MRGPRX3: variants seen among roughly 807,000 people sequenced by gnomAD.
MRGPRX3 encodes MAS related GPR family member X3, also known as mas-related G protein-coupled receptor member X3.
Under a neutral mutation model 16.5 loss-of-function variants are expected in MRGPRX3, and 14 were observed. That is an observed-to-expected ratio of 0.85 (90% CI 0.56 to 1.33). MRGPRX3 has a LOEUF of 1.33. Ranked by LOEUF, MRGPRX3 falls within the 40% of genes most tolerant of loss-of-function variation. The probability of loss-of-function intolerance (pLI) is 0.00; values close to 1 mark genes in which losing one functional copy is unlikely to be tolerated. For missense variants in MRGPRX3, 449 were observed against 413.0 expected (o/e 1.09, Z -0.76); for synonymous variants, 199 against 180.1 (o/e 1.10, Z -0.84).
chr11:18,127,547 T>C (rs1474267725), intron 1 of MRGPRX3, among the ~76,000 whole-genome samples: 2 of 152,260 alleles, frequency 1.3e-5, no homozygotes, highest in Non-Finnish European at 2.9e-5. Context: ...ATACCCTTTC[T>C]TCCAGTTGAT....
chr11:18,138,262 C>T lies in MRGPRX3; in HGVS notation c.*91C>T. 6.6e-7 allele frequency: 1 copy of T among 1,509,900 alleles called. No homozygotes were observed. The highest frequency in any genetic ancestry group is 8.9e-7 in the Non-Finnish European group (1 of 1,129,878). The allele number at this position is 1,509,900 out of a possible 1,614,324, so 93.5% of individuals were successfully genotyped here. A position where few individuals can be genotyped will look rare whatever the true frequency, so the allele number is the denominator to read the frequency against. On this transcript the variant is annotated 3_prime_UTR_variant, in exon 2 of 2. Transcript: ENST00000621697. ...ATATGCATTTTTCTTAGCCTTCTGC[C>T]TCAGAAATGTCTCAGTGGTCCCTCA...
At chr11:18,127,098 C>T (rs1349556460) in intron 1 of MRGPRX3, among the ~76,000 whole-genome samples, 2 of 152,164 alleles carry the variant, frequency 1.3e-5, no homozygotes, top group African/African-American at 4.8e-5. Flanking sequence ...GAATATTGGC[C>T]CCCACTCTCT....
chr11:18,131,187 A>G (rs535908639), upstream of MRGPRX3, among the ~76,000 whole-genome samples: 1 of 152,332 alleles, frequency 6.6e-6, no homozygotes, highest in South Asian at 2.1e-4. Flanking sequence ...AATAGATAGG[A>G]CTTAATTAAA....
chr11:18,138,314 C>T lies in MRGPRX3; in HGVS notation c.*143C>T, dbSNP rs1849034785. ...GGTCTTCGAATAGATGTTTATCTAA[C>T]CTGACAGTTGCAGTTTTCACCCATG... On this transcript the variant is annotated 3_prime_UTR_variant, in exon 2 of 2. Coordinates refer to ENST00000621697, the MANE Select transcript of MRGPRX3 (RefSeq NM_001370464.1). The T allele has an allele frequency of 1.5e-6, 2 of 1,335,766 alleles. No individual in the cohort carries two copies. The highest frequency in any genetic ancestry group is 3.2e-5 in the South Asian group (2 of 62,362). The allele number at this position is 1,335,766 out of a possible 1,614,324, so 82.7% of individuals were successfully genotyped here. A position where few individuals can be genotyped will look rare whatever the true frequency, so the allele number is the denominator to read the frequency against.
intron 1 of MRGPRX3, among the ~76,000 whole-genome samples, chr11:18,122,371 T>C (rs1848848989): frequency 1.3e-5 from 2 of 152,208 alleles, no homozygotes; most frequent in African/African-American, 4.8e-5. Context: ...CAGGGTGGGA[T>C]GTTCCCTGCC....
chr11:18,136,292 C>T (rs531407484), intron 1 of MRGPRX3, among the ~76,000 whole-genome samples: 2 of 152,316 alleles, frequency 1.3e-5, no homozygotes, highest in East Asian at 1.9e-4. Flanking sequence ...TGTTGCTGAG[C>T]AATTCAGCTC....
At chr11:18,124,291 T>C (rs1472024794) in intron 1 of MRGPRX3, among the ~76,000 whole-genome samples, 4 of 152,132 alleles carry the variant, frequency 2.6e-5, no homozygotes, top group Non-Finnish European at 4.4e-5. Context: ...AAGCTTCCAG[T>C]TTTTGCCCAT....
chr11:18,137,091 A>T, intron 1 of MRGPRX3, 87 bp from the exon 2 acceptor site: 2 of 1,354,574 alleles, frequency 1.5e-6, no homozygotes, highest in East Asian at 2.3e-5. Flanking sequence ...CTCCTCTTTA[A>T]ATGAGGACAG....
chr11:18,126,663 C>T (rs1028263051), intron 1 of MRGPRX3, among the ~76,000 whole-genome samples: 2 of 152,008 alleles, frequency 1.3e-5, no homozygotes, highest in Non-Finnish European at 2.9e-5. Flanking sequence ...CACAACCGTT[C>T]CCAGTGTGTG....
exon 1 of MRGPRX3, chr11:18,121,156 G>A (rs1338580409): frequency 2.0e-4 from 30 of 149,196 alleles, no homozygotes; most frequent in Non-Finnish European, 2.9e-4. Context: ...TCGCGACCCC[G>A]TCTGGGAGGT....
chr11:18,135,333 G>C (rs1848998838), intron 1 of MRGPRX3, among the ~76,000 whole-genome samples: 2 of 152,162 alleles, frequency 1.3e-5, no homozygotes, highest in Non-Finnish European at 2.9e-5. Flanking sequence ...CCTATAGATG[G>C]ACAAACAGTT....
At chr11:18,121,964 C>T (rs1196922013) in intron 1 of MRGPRX3, among the ~76,000 whole-genome samples, 2 of 150,302 alleles carry the variant, frequency 1.3e-5, no homozygotes, top group Non-Finnish European at 3.0e-5. Flanking sequence ...CTGCCAAATC[C>T]CTCTCTGTGA....
chr11:18,126,128 G>A (rs897968725), intron 1 of MRGPRX3, among the ~76,000 whole-genome samples: 1 of 152,010 alleles, frequency 6.6e-6, no homozygotes, highest in Non-Finnish European at 1.5e-5. Flanking sequence ...CACACTGATG[G>A]GTCTTGACTC....
chr11:18,122,739 C>T (rs1481474999), intron 1 of MRGPRX3, among the ~76,000 whole-genome samples: 2 of 152,174 alleles, frequency 1.3e-5, no homozygotes, highest in Non-Finnish European at 2.9e-5. Flanking sequence ...ATTTCTAGTC[C>T]TAGATCCTTG....
At chr11:18,125,991 T>C (rs894642159) in intron 1 of MRGPRX3, among the ~76,000 whole-genome samples, 2 of 152,228 alleles carry the variant, frequency 1.3e-5, no homozygotes, top group Non-Finnish European at 2.9e-5. Flanking sequence ...GTCTGTTTTA[T>C]CAGAGACTAG....
chr11:18,137,695 T>A lies in MRGPRX3; in HGVS notation c.493T>A (p.Phe165Ile), dbSNP rs758327883. ...GGAGTGGATGTTCTGTGACTTCCTG[T>A]TTAGTGGTGCTAATTCTGTTTGGTG... ...ILEWMFCDFL[F>I]SGANSVWCET... The change falls in exon 2 of 2, where the codon TTT (phenylalanine) becomes ATT (isoleucine). Residue 165 changes from phenylalanine to isoleucine, a missense_variant. By Grantham distance (21) the Phe-to-Ile change is conservative. Coordinates refer to ENST00000621697, the MANE Select transcript of MRGPRX3 (RefSeq NM_001370464.1). The A allele has an allele frequency of 1.9e-6, 3 of 1,614,056 alleles. No homozygotes were observed. The highest frequency in any genetic ancestry group is 2.5e-6 in the Non-Finnish European group (3 of 1,180,018).
At position 18,138,186 on chromosome 11, in the gene MRGPRX3, C is replaced by G; in HGVS notation, c.*15C>G. 1 of 1,585,940 alleles carries G rather than the reference C, an allele frequency of 6.3e-7. No individual in the cohort carries two copies. On this transcript the variant is annotated 3_prime_UTR_variant, in exon 2 of 2. Coordinates refer to ENST00000621697, the MANE Select transcript of MRGPRX3 (RefSeq NM_001370464.1). ...TGGAGCAGTGAGGAAGAACCTCTGC[C>G]CTGTCAGACAGGACTTTGAGAGCAA...
At position 18,137,495 on chromosome 11, in the gene MRGPRX3, TCA is replaced by T. The variant is rs772007621; in HGVS notation, c.294_295del (p.Pro100CysfsTer62). 18 of 1,613,924 alleles carry T rather than the reference TCA, an allele frequency of 1.1e-5. No individual in the cohort carries two copies. The highest frequency in any genetic ancestry group is 3.3e-5 in the Admixed American group (2 of 59,994). ...ATCCGCCATCCCATCTCCAAAATCC[TCA>T]GTCCTGTGATGACCTTTCCCTACTT... is the stretch of plus-strand genomic sequence containing the variant. On this transcript the variant is annotated frameshift_variant, in exon 2 of 2. Transcript: ENST00000621697. LOFTEE classifies it high-confidence loss of function.
In MRGPRX3 at chr11:18,137,475, C is replaced by T. The variant is rs2134086551; in HGVS notation, c.273C>T (p.Arg91=). Reference sequence around the variant, plus strand: ...CGCCGTTACGCCTCATCAATATCCGCCATCCCATCTCCAAAATCCTCAGTC... The same window carrying T: ...CGCCGTTACGCCTCATCAATATCCGTCATCCCATCTCCAAAATCCTCAGTC... ...ICSPLRLINI[R]HPISKILSPV... Residue 91 remains arginine, a synonymous_variant, in exon 2 of 2, where the codon CGC becomes CGT. Coordinates refer to ENST00000621697, the MANE Select transcript of MRGPRX3 (RefSeq NM_001370464.1). 3.1e-6 allele frequency: 5 copies of T among 1,614,184 alleles called. No homozygotes were observed. The highest frequency in any genetic ancestry group is 3.3e-4 in the Middle Eastern group (2 of 6,062).
Sources: allele counts gnomAD v4.1 joint callset (sites outside exome capture counted in the v4.1 genomes callset), GRCh38; gene constraint gnomAD v4.1.1; transcripts MANE v1.5; gene names NCBI Gene and HGNC (gene_info 2026-07-23, HGNC 2026-07-21).